The following MACROD2 variants were observed in gnomAD, a reference collection of about 807,000 sequenced individuals.
MACROD2 encodes mono-ADP ribosylhydrolase 2.
A neutral mutation model predicts 70.4 loss-of-function variants in MACROD2; 36 were observed. The observed-to-expected ratio is 0.51, with a 90% CI of 0.39 to 0.68. The LOEUF (loss-of-function observed/expected upper bound fraction) is 0.68, where lower values mean the gene tolerates loss of function less well. MACROD2 is among the 30% of genes least tolerant of loss of function. The pLI, the probability that MACROD2 is intolerant of heterozygous loss-of-function variation, is 0.00. For synonymous variants in MACROD2, 172 were observed against 178.8 expected, an observed-to-expected ratio of 0.96 and a Z score of 0.30; for missense variants, 496 against 538.4, an observed-to-expected ratio of 0.92 and a Z score of 0.78.
intron 6 of MACROD2, among the ~76,000 whole-genome samples, chr20:15,310,280 A>C (rs1401675385): frequency 6.6e-6 from 1 of 152,164 alleles, no homozygotes; most frequent in Non-Finnish European, 1.5e-5. Flanking sequence ...AAGAATGGCA[A>C]CTGACGAGCC....
At chr20:14,320,663 A>ATTTTTTT (rs11087086) in intron 3 of MACROD2, among the ~76,000 whole-genome samples, 1 of 123,664 alleles carries the variant, frequency 8.1e-6, no homozygotes, top group African/African-American at 3.4e-5. Context: ...CACCTTTGGA[A>ATTTTTTT]TTTTTTTTTT....
chr20:15,507,598 T>C (rs1023562054), intron 8 of MACROD2, among the ~76,000 whole-genome samples: 1 of 151,894 alleles, frequency 6.6e-6, no homozygotes, highest in East Asian at 1.9e-4. Flanking sequence ...ATTGTCGGGA[T>C]TTGTGACAAG....
At chr20:15,750,478 A>G (rs1156558294) in intron 8 of MACROD2, among the ~76,000 whole-genome samples, 1 of 152,054 alleles carries the variant, frequency 6.6e-6, no homozygotes, top group Non-Finnish European at 1.5e-5. Flanking sequence ...AATAGTAAAT[A>G]TGTTACCCTT....
At chr20:14,849,034 C>A (rs575387041) in intron 5 of MACROD2, among the ~76,000 whole-genome samples, 1 of 152,240 alleles carries the variant, frequency 6.6e-6, no homozygotes, top group African/African-American at 2.4e-5. Flanking sequence ...TTCATTGATC[C>A]AGGCAGCCCC....
intron 5 of MACROD2, among the ~76,000 whole-genome samples, chr20:14,922,326 G>A (rs1338710776): frequency 2.0e-5 from 3 of 151,948 alleles, no homozygotes; most frequent in African/African-American, 7.3e-5. Flanking sequence ...TAGCTACCTA[G>A]GTATTCATAA....
chr20:15,567,684 G>A (rs1234061802), intron 8 of MACROD2, among the ~76,000 whole-genome samples: 1 of 152,170 alleles, frequency 6.6e-6, no homozygotes, highest in African/African-American at 2.4e-5. Context: ...TTATATCTTA[G>A]AGAGTCTGTT....
chr20:14,640,465 C>T (rs923134863), intron 4 of MACROD2, among the ~76,000 whole-genome samples: 37 of 152,144 alleles, frequency 2.4e-4, no homozygotes, highest in African/African-American at 8.7e-4. Flanking sequence ...GACATATATA[C>T]ATCTAGTTTT....
At chr20:15,323,069 G>T (rs562978462) in intron 6 of MACROD2, among the ~76,000 whole-genome samples, 1 of 103,932 alleles carries the variant, frequency 9.6e-6, no homozygotes, top group African/African-American at 3.0e-5. Context: ...GAATAATGCT[G>T]TATGTTGATG....
intron 8 of MACROD2, among the ~76,000 whole-genome samples, chr20:15,750,887 GACA>G (rs918365548): frequency 2.6e-5 from 4 of 151,774 alleles, no homozygotes; most frequent in African/African-American, 7.3e-5. Context: ...AACAAAAAAC[GACA>G]ACAACAGAAA....
At chr20:15,908,738 C>A (rs1267756812) in intron 10 of MACROD2, among the ~76,000 whole-genome samples, 3 of 152,210 alleles carry the variant, frequency 2.0e-5, no homozygotes, top group African/African-American at 7.2e-5. Flanking sequence ...CTTTATCTCT[C>A]TTATTTCTTC....
At chr20:14,111,789 A>ATG (rs2148685714) in intron 3 of MACROD2, among the ~76,000 whole-genome samples, 1 of 152,198 alleles carries the variant, frequency 6.6e-6, no homozygotes, top group Admixed American at 6.5e-5. Context: ...ATCACTGTGG[A>ATG]GAACAGTTTG....
At chr20:14,140,134 A>G (rs2054850639) in intron 3 of MACROD2, among the ~76,000 whole-genome samples, 1 of 152,188 alleles carries the variant, frequency 6.6e-6, no homozygotes, top group African/African-American at 2.4e-5. Context: ...CCTGTAGTTG[A>G]TAAAATATTA....
chr20:15,529,878 A>G (rs899807605), intron 8 of MACROD2, among the ~76,000 whole-genome samples: 1 of 152,198 alleles, frequency 6.6e-6, no homozygotes, highest in African/African-American at 2.4e-5. Context: ...GGGAGAGTGG[A>G]CACAGAATAA....
intron 3 of MACROD2, among the ~76,000 whole-genome samples, chr20:14,124,011 A>T (rs2054615694): frequency 6.6e-6 from 1 of 152,084 alleles, no homozygotes; most frequent in African/African-American, 2.4e-5. Flanking sequence ...TTGGAGATTT[A>T]TGGTAGTATC....
chr20:14,923,787 G>C (rs1011319919), intron 5 of MACROD2, among the ~76,000 whole-genome samples: 2 of 144,052 alleles, frequency 1.4e-5, no homozygotes, highest in Non-Finnish European at 3.1e-5. Flanking sequence ...CTGGCGGTGC[G>C]TTGGGGGAGG....
At chr20:15,373,249 T>C (rs2045517681) in intron 6 of MACROD2, among the ~76,000 whole-genome samples, 1 of 152,194 alleles carries the variant, frequency 6.6e-6, no homozygotes, top group Non-Finnish European at 1.5e-5. Flanking sequence ...GATTTAACTC[T>C]ACTCCAGATT....
chr20:15,981,913 C>G (rs1436445723), intron 13 of MACROD2, among the ~76,000 whole-genome samples: 1 of 151,922 alleles, frequency 6.6e-6, no homozygotes, highest in East Asian at 1.9e-4. Context: ...GTTCAAGTAG[C>G]CTAAATGACA....
intron 5 of MACROD2, among the ~76,000 whole-genome samples, chr20:14,852,394 T>A (rs755413343): frequency 2.0e-5 from 3 of 152,028 alleles, no homozygotes; most frequent in Non-Finnish European, 4.4e-5. Context: ...AAGCCATAGA[T>A]CATGGGAAAA....
chr20:15,590,985 AAGAG>A (rs909142950), intron 8 of MACROD2, among the ~76,000 whole-genome samples: 8 of 151,966 alleles, frequency 5.3e-5, no homozygotes, highest in Middle Eastern at 3.4e-3. Context: ...GAAAGAAAAG[AAGAG>A]AGAGAGAGAC....
Sources: gnomAD v4.1 joint callset for allele counts (sites outside exome capture counted in the v4.1 genomes callset) on GRCh38, gnomAD v4.1.1 for gene constraint, MANE v1.5 for transcripts, NCBI Gene and HGNC (gene_info 2026-07-23, HGNC 2026-07-21) for gene names.